The following GLRA1 variants were observed in gnomAD, a reference collection of about 807,000 sequenced individuals.
GLRA1 encodes glycine receptor alpha 1.
GLRA1 carries 37 observed loss-of-function variants against 48.3 expected under a neutral mutation model. The observed-to-expected ratio is 0.77, with a 90% CI of 0.59 to 1.01. The LOEUF (loss-of-function observed/expected upper bound fraction) is 1.01, where lower values mean the gene tolerates loss of function less well. Among genes scored for constraint, GLRA1 ranks in the 50% least tolerant of loss-of-function variants. The pLI, the probability that GLRA1 is intolerant of heterozygous loss-of-function variation, is 0.00. For missense variants in GLRA1, 427 were observed against 571.0 expected, an observed-to-expected ratio of 0.75 and a Z score of 2.57; for synonymous variants, 196 against 210.7, an observed-to-expected ratio of 0.93 and a Z score of 0.60.
chr5:151,915,054 CT>C (rs1418233159), intron 1 of GLRA1, among the ~76,000 whole-genome samples: 1 of 152,164 alleles, frequency 6.6e-6, no homozygotes, highest in Non-Finnish European at 1.5e-5. Flanking sequence ...GTTGTCTTAC[CT>C]TTGGCAAGTT....
intron 1 of GLRA1, among the ~76,000 whole-genome samples, chr5:151,915,426 T>G (rs1466100382): frequency 6.6e-6 from 1 of 152,174 alleles, no homozygotes. Context: ...TTCATAAAGT[T>G]GTAGGTACAC....
At position 151,860,821 on chromosome 5, in the gene GLRA1, C is replaced by G. The variant is rs111712865; in HGVS notation, c.253-813G>C. ...ATACATGTGCCATGTTGGTGTGCTG[C>G]ACCCATTAACTCGTCATTTACATTA... On this transcript the variant is annotated intron_variant, in intron 3 of 8. Transcript: ENST00000274576. Among the ~76,000 whole-genome samples the G allele has an allele frequency of 7.8e-3, 1,191 of 152,280 alleles. 19 individuals carry two copies. Among genetic ancestry groups the G allele is most frequent in the African/African-American group, 0.027 (1,136 of 41,546 alleles).
intron 1 of GLRA1, among the ~76,000 whole-genome samples, chr5:151,904,970 G>A (rs1427212327): frequency 6.6e-6 from 1 of 152,100 alleles, no homozygotes; most frequent in Non-Finnish European, 1.5e-5. Flanking sequence ...GTTCTACTAT[G>A]CTCTTAGTAA....
At chr5:151,863,377 C>T (rs984373255) in intron 3 of GLRA1, among the ~76,000 whole-genome samples, 3 of 152,120 alleles carry the variant, frequency 2.0e-5, no homozygotes, top group Non-Finnish European at 4.4e-5. Context: ...GAACCATGAT[C>T]ATGACACTGC....
intron 1 of GLRA1, among the ~76,000 whole-genome samples, chr5:151,921,183 C>T (rs1452501393): frequency 6.6e-6 from 1 of 152,202 alleles, no homozygotes; most frequent in African/African-American, 2.4e-5. Flanking sequence ...TCTGGTTTAT[C>T]TCCCTGCCTT....
chr5:151,822,740 A>C lies in GLRA1; in HGVS notation c.1283T>G (p.Leu428Arg). ...GATCCAGTAGAACATGTTGAAAATG[A>C]GGAAGGCCATGGGGAAGCCAATGCG... Reference protein sequence around the residue: ...ISRIGFPMAFLIFNMFYWIIY... With the variant: ...ISRIGFPMAFRIFNMFYWIIY... Residue 428 changes from leucine to arginine, a missense_variant, in exon 9 of 9, where the codon CTC (leucine) becomes CGC (arginine). By Grantham distance (102) the Leu-to-Arg change is moderately radical. Around this residue, in one of 4 missense-constraint regions of GLRA1, gnomAD observed 121 missense variants for 96.5 expected, o/e 1.25. Transcript: ENST00000274576. 1.2e-6 allele frequency: 2 copies of C among 1,613,898 alleles called. No homozygotes were observed. The highest frequency in any genetic ancestry group is 2.2e-5 in the South Asian group (2 of 91,078).
chr5:151,829,847 T>C (rs1763380422), intron 7 of GLRA1, among the ~76,000 whole-genome samples: 1 of 152,258 alleles, frequency 6.6e-6, no homozygotes, highest in Non-Finnish European at 1.5e-5. Flanking sequence ...ATGATTGGCC[T>C]CTTTCACTTA....
Position 151,822,650 on chromosome 5 carries a change from C to T in GLRA1, c.*23G>A, listed in dbSNP as rs1160935502. The T allele has an allele frequency of 5.1e-6, 8 of 1,566,504 alleles. No homozygotes were observed. The highest frequency in any genetic ancestry group is 1.7e-5 in the Admixed American group (1 of 59,956). ...CTATTCCCACGTTCCCCTCTCCCAG[C>T]CTCCCCCAACCTTTCAGACCCTTCA... On this transcript the variant is annotated 3_prime_UTR_variant, in exon 9 of 9. Transcript: ENST00000274576.
chr5:151,871,616 A>G (rs1468179957), intron 3 of GLRA1, among the ~76,000 whole-genome samples: 1 of 147,154 alleles, frequency 6.8e-6, no homozygotes, highest in African/African-American at 2.7e-5. Flanking sequence ...GCTGGAGTGC[A>G]GTGGCACGAT....
At chr5:151,886,395 G>T (rs891107166) in intron 3 of GLRA1, among the ~76,000 whole-genome samples, 1 of 152,130 alleles carries the variant, frequency 6.6e-6, no homozygotes, top group Admixed American at 6.5e-5. Flanking sequence ...CTGCCATTCT[G>T]CAGTTGAATG....
intron 8 of GLRA1, among the ~76,000 whole-genome samples, chr5:151,825,444 T>C (rs1292848227): frequency 2.6e-5 from 4 of 152,196 alleles, no homozygotes; most frequent in African/African-American, 7.2e-5. Context: ...GAGGTTTGGA[T>C]TGAAGGCCCC....
At chr5:151,901,647 T>C (rs574556726) in intron 1 of GLRA1, among the ~76,000 whole-genome samples, 31 of 152,306 alleles carry the variant, frequency 2.0e-4, no homozygotes, top group African/African-American at 6.3e-4. Flanking sequence ...GGGAAAAAGA[T>C]TGCATTAATC....
At chr5:151,836,407 A>G (rs1763579711) in intron 7 of GLRA1, among the ~76,000 whole-genome samples, 2 of 152,256 alleles carry the variant, frequency 1.3e-5, no homozygotes, top group Admixed American at 6.5e-5. Flanking sequence ...ATTCATTGCT[A>G]TCACCATCAA....
chr5:151,859,734 G>A, intron 4 of GLRA1, 51 bp downstream of exon 4: 1 of 1,328,242 alleles, frequency 7.5e-7, no homozygotes, highest in South Asian at 1.2e-5. Flanking sequence ...AGAAGGTAGT[G>A]GGGCAAGACA....
At chr5:151,913,276 A>G (rs1754660924) in intron 1 of GLRA1, among the ~76,000 whole-genome samples, 1 of 152,218 alleles carries the variant, frequency 6.6e-6, no homozygotes, top group Non-Finnish European at 1.5e-5. Context: ...GAAGTAACAT[A>G]GGCAGGATTC....
chr5:151,910,166 A>T (rs1035297126), intron 1 of GLRA1, among the ~76,000 whole-genome samples: 6 of 152,182 alleles, frequency 3.9e-5, no homozygotes, highest in Admixed American at 1.3e-4. Flanking sequence ...TAGAGAAAAC[A>T]ATCAAGACGG....
At chr5:151,850,727 C>G in intron 7 of GLRA1, 1 of 1,075,432 alleles carries the variant, frequency 9.3e-7, no homozygotes, top group South Asian at 1.3e-5. Flanking sequence ...TTTTCGGTGA[C>G]AGAAGCCCTC....
chr5:151,856,319 T>C lies in GLRA1; in HGVS notation c.541A>G (p.Ile181Val), dbSNP rs1328568868. 6.2e-7 allele frequency: 1 copy of C among 1,610,958 alleles called. No homozygotes were observed. The highest frequency in any genetic ancestry group is 1.1e-5 in the South Asian group (1 of 91,004). Residue 181 changes from isoleucine to valine, a missense_variant, in exon 5 of 9, where the codon ATC (isoleucine) becomes GTC (valine). Ile to Val is a conservative substitution (Grantham distance 29, BLOSUM62 3). Transcript: ENST00000274576. ...KNFPMDVQTC[I>V]MQLESFGYTM... ...CACTCACAGCTTTCCAGTTGCATGA[T>C]ACATGTCTGGACATCCATGGGGAAA...
intron 3 of GLRA1, among the ~76,000 whole-genome samples, chr5:151,881,763 C>T (rs1753769172): frequency 6.6e-6 from 1 of 152,090 alleles, no homozygotes; most frequent in Non-Finnish European, 1.5e-5. Flanking sequence ...GATAGAGACC[C>T]CTGTTGCTTT....
Sources: allele counts gnomAD v4.1 joint callset (sites outside exome capture counted in the v4.1 genomes callset), GRCh38; gene constraint gnomAD v4.1.1; regional missense constraint gnomAD v4.1.1; transcripts MANE v1.5; gene names NCBI Gene and HGNC (gene_info 2026-07-23, HGNC 2026-07-21).